The following CACNA2D4 variants were observed in gnomAD, a reference collection of about 807,000 sequenced individuals.
CACNA2D4 encodes the protein voltage-dependent calcium channel subunit alpha-2/delta-4.
In CACNA2D4, 157 loss-of-function variants were observed where a neutral mutation model predicts 163.8. The observed-to-expected ratio is 0.96, with a 90% CI of 0.84 to 1.09. The LOEUF (loss-of-function observed/expected upper bound fraction) is 1.09, where lower values mean the gene tolerates loss of function less well. CACNA2D4 is among the 50% of genes least tolerant of loss of function. The pLI, the probability that CACNA2D4 is intolerant of heterozygous loss-of-function variation, is 0.00. For missense variants in CACNA2D4, 1,410 were observed against 1,479.9 expected, an observed-to-expected ratio of 0.95 and a Z score of 0.78; for synonymous variants, 598 against 586.9, an observed-to-expected ratio of 1.02 and a Z score of -0.27.
rs754019483 is a variant in CACNA2D4 at position 1,843,807 on chromosome 12, G to A, written c.2470+595C>T. Among the ~76,000 whole-genome samples the A allele has an allele frequency of 1.4e-4, 21 of 152,218 alleles. No individual in the cohort carries two copies. Among genetic ancestry groups the A allele is most frequent in the Non-Finnish European group, 2.2e-4 (15 of 67,996 alleles). On this transcript the variant is annotated intron_variant, in intron 25 of 37. Coordinates refer to ENST00000382722, the MANE Select transcript of CACNA2D4 (RefSeq NM_172364.5). The surrounding 1 kb of genome is among the most constrained non-coding windows in gnomAD (Gnocchi z 4.6). ...CTGAGAGTCTTCCTGGTCCCTGGCC[G>A]TGCAGGGATTTTGTGGTTGCCTCAT... is the stretch of plus-strand genomic sequence containing the variant.
At chr12:1,914,808 ACTGCCCT>A in intron 2 of CACNA2D4, 39 bp downstream of exon 2, 1 of 1,363,116 alleles carries the variant, frequency 7.3e-7, no homozygotes. Context: ...TCGATGGCTG[ACTGCCCT>A]CTGCCACCCG....
At chr12:1,832,518 A>G (rs886619636) in intron 26 of CACNA2D4, among the ~76,000 whole-genome samples, 6 of 152,266 alleles carry the variant, frequency 3.9e-5, no homozygotes. Flanking sequence ...CTAAGGAATC[A>G]ACATTTAAGT....
intron 18 of CACNA2D4, among the ~76,000 whole-genome samples, chr12:1,873,758 G>C (rs75768911): frequency 0.047 from 7,120 of 152,304 alleles, 423 homozygotes; most frequent in African/African-American, 0.14. Context: ...CAGTCTGCCT[G>C]CAGGAGGCCT....
chr12:1,878,376 C>G lies in CACNA2D4; in HGVS notation c.1658G>C (p.Gly553Ala), dbSNP rs1257418336. Residue 553 changes from glycine (G) to alanine (A), a missense_variant, in exon 16 of 38, where the codon GGA becomes GCA. By Grantham distance (60) the Gly-to-Ala change is moderately conservative. Coordinates refer to ENST00000382722, the MANE Select transcript of CACNA2D4 (RefSeq NM_172364.5). The surrounding 1 kb of genome is among the most constrained non-coding windows in gnomAD (Gnocchi z 4.6). ...LAPRYKLGVH[G>A]YAFLNTNNGY... ...ATTGTTGGTGTTCAGAAAGGCGTAT[C>G]CGTGCACTCCAAGCTGCCAGAGTCC... 2 of 1,605,190 alleles carry G rather than the reference C, an allele frequency of 1.2e-6. No homozygotes were observed. The highest frequency in any genetic ancestry group is 1.7e-6 in the Non-Finnish European group (2 of 1,176,062).
Position 1,883,182 on chromosome 12 carries a change from G to T in CACNA2D4, c.1352-182C>A, listed in dbSNP as rs1866047911. On this transcript the variant is annotated intron_variant, in intron 12 of 37. Transcript: ENST00000382722. This position sits in a 1 kb window ranked among gnomAD's most constrained non-coding sequence, Gnocchi z 4.5. ...TTTACCCAGGGGCAGCCGCAGGCCA[G>T]TGGGAGGCCAAGGCTCACTCTGCTG... 1.3e-5 allele frequency among the ~76,000 whole-genome samples: 2 copies of T among 152,224 alleles called. No homozygotes were observed. Among genetic ancestry groups the T allele is most frequent in the South Asian group, 2.1e-4 (1 of 4,830 alleles).
chr12:1,871,426 G>GGT (rs1865777121), intron 18 of CACNA2D4, among the ~76,000 whole-genome samples: 2 of 133,500 alleles, frequency 1.5e-5, no homozygotes, highest in South Asian at 5.0e-4. Flanking sequence ...GTGTGCCACT[G>GGT]GTGTGTGTAC....
intron 23 of CACNA2D4, among the ~76,000 whole-genome samples, chr12:1,851,433 A>C (rs1865276795): frequency 6.6e-6 from 1 of 152,218 alleles, no homozygotes; most frequent in Non-Finnish European, 1.5e-5. Context: ...CGGTTATTTA[A>C]AAATCCATCT....
chr12:1,856,344 C>T, intron 20 of CACNA2D4, 115 bp from the exon 21 acceptor site: 1 of 1,082,198 alleles, frequency 9.2e-7, no homozygotes, highest in African/African-American at 1.5e-5. Flanking sequence ...GGGGTCTGTT[C>T]TTTCTTGCTC....
At chr12:1,896,540 C>T (rs1866404385) in intron 6 of CACNA2D4, among the ~76,000 whole-genome samples, 1 of 151,076 alleles carries the variant, frequency 6.6e-6, no homozygotes, top group Non-Finnish European at 1.5e-5. Context: ...TCACGAATCA[C>T]GAGGGAAATG....
Position 1,889,691 on chromosome 12 carries a change from T to C in CACNA2D4, c.782-2622A>G, listed in dbSNP as rs1866232511. ...ACTTCAGGGGTAATAACTGAAAGAA[T>C]AAAAACAAGGGGACAAGTTCTAAAG... On this transcript the variant is annotated intron_variant, in intron 6 of 37. Transcript: ENST00000382722. Among the ~76,000 whole-genome samples, 3 of 151,140 alleles carry C rather than the reference T, an allele frequency of 2.0e-5. No homozygotes were observed. In the South Asian group the frequency reaches 6.3e-4, roughly 32 times the overall value.
chr12:1,896,654 C>CACAAAAAAA (rs1555186444), intron 6 of CACNA2D4, among the ~76,000 whole-genome samples: 1 of 123,902 alleles, frequency 8.1e-6, no homozygotes, highest in African/African-American at 3.0e-5. Context: ...CACACACACA[C>CACAAAAAAA]AAAACAGATG....
chr12:1,801,773 G>A, intron 29 of CACNA2D4, 129 bp from the exon 30 acceptor site: 2 of 607,456 alleles, frequency 3.3e-6, no homozygotes, highest in South Asian at 4.6e-5. Flanking sequence ...CCCTCTGACT[G>A]CCTCTCAGCA....
chr12:1,885,513 A>G (rs1866114314), intron 9 of CACNA2D4, among the ~76,000 whole-genome samples: 1 of 152,190 alleles, frequency 6.6e-6, no homozygotes, highest in Non-Finnish European at 1.5e-5. Context: ...AGAGGGAGGA[A>G]TCTATGATGT....
intron 26 of CACNA2D4, among the ~76,000 whole-genome samples, chr12:1,822,412 T>G (rs1864141658): frequency 6.6e-6 from 1 of 152,060 alleles, no homozygotes; most frequent in East Asian, 1.9e-4. Flanking sequence ...CTTCCTCCTT[T>G]TTCCCCCAGC....
At chr12:1,906,805 C>A (rs779078863) in intron 6 of CACNA2D4, among the ~76,000 whole-genome samples, 12 of 152,240 alleles carry the variant, frequency 7.9e-5, no homozygotes, top group Admixed American at 2.0e-4. Flanking sequence ...GACTTTCCAG[C>A]CTGTGGACAC....
chr12:1,827,865 G>T (rs556626128), intron 26 of CACNA2D4: 4 of 374,872 alleles, frequency 1.1e-5, no homozygotes, highest in African/African-American at 8.3e-5. Flanking sequence ...CCCGACCCTC[G>T]GGCTCCTGGA....
At position 1,799,599 on chromosome 12, in the gene CACNA2D4, G is replaced by A. The variant is rs1203948972; in HGVS notation, c.2995+76C>T. 46 of 1,466,442 alleles carry A rather than the reference G, an allele frequency of 3.1e-5. 1 individual carries two copies. The South Asian group carries it at 3.5e-4, about 11-fold the overall frequency. The allele number at this position is 1,466,442 out of a possible 1,614,324, so 90.8% of individuals were successfully genotyped here. A position where few individuals can be genotyped will look rare whatever the true frequency, so the allele number is the denominator to read the frequency against. ...GGGGTCATTCCTGGGACAGGTCATG[G>A]AGGGTGGGTTCTTTGTAGCTCCTGC... On this transcript the variant is annotated intron_variant, in intron 34 of 37. Transcript: ENST00000382722. This position sits in a 1 kb window ranked among gnomAD's most constrained non-coding sequence, Gnocchi z 4.7.
intron 6 of CACNA2D4, among the ~76,000 whole-genome samples, chr12:1,896,651 A>G (rs1404385923): frequency 7.0e-6 from 1 of 142,778 alleles, no homozygotes; most frequent in Non-Finnish European, 1.5e-5. Flanking sequence ...ACACACACAC[A>G]CACAAAACAG....
rs6489330 is a variant in CACNA2D4, at chr12:1,798,687, A to G, written c.2995+988T>C. 0.72 allele frequency among the ~76,000 whole-genome samples: 109,084 copies of G among 152,086 alleles called. 39,898 individuals carry two copies. Among genetic ancestry groups the G allele is most frequent in the Non-Finnish European group, 0.79 (53,883 of 67,946 alleles). ...GGACACTGACATCTGTGTAGGCCAG[A>G]CCAGGGGGAGGAGCTCCAGGGGACA... On this transcript the variant is annotated intron_variant, in intron 34 of 37. Coordinates refer to ENST00000382722, the MANE Select transcript of CACNA2D4 (RefSeq NM_172364.5). The surrounding 1 kb of genome is among the most constrained non-coding windows in gnomAD (Gnocchi z 4.3).
Sources: gnomAD v4.1 joint callset for allele counts (sites outside exome capture counted in the v4.1 genomes callset) on GRCh38, gnomAD v4.1.1 for gene constraint, Gnocchi (gnomAD v3.1) non-coding constraint, MANE v1.5 for transcripts, NCBI Gene and HGNC (gene_info 2026-07-23, HGNC 2026-07-21) for gene names.